Variants in LINGO3 observed in about 807,000 individuals in gnomAD.
LINGO3 encodes the protein leucine-rich repeat and immunoglobulin-like domain-containing nogo receptor-interacting protein 3.
For synonymous variants in LINGO3, 427 were observed against 444.2 expected (o/e 0.96, Z 0.49); for missense variants, 750 against 867.7 (o/e 0.86, Z 1.70).
At chr19:2,302,155 G>A in the LINGO3 span, among the ~76,000 whole-genome samples, 2 of 148,340 alleles carry the variant, frequency 1.3e-5, no homozygotes, top group Non-Finnish European at 3.0e-5. Flanking sequence ...TCTGCCTCCC[G>A]GGTTAAAGCG....
chr19:2,293,138 C>G (rs537709387), upstream of LINGO3, among the ~76,000 whole-genome samples: 2 of 152,110 alleles, frequency 1.3e-5, no homozygotes, highest in Non-Finnish European at 2.9e-5. Context: ...AATCTCACCT[C>G]ACTGCAAGCT....
At chr19:2,295,269 C>T (rs897237000), upstream of LINGO3, among the ~76,000 whole-genome samples, 1 of 152,100 alleles carries the variant, frequency 6.6e-6, no homozygotes, top group Non-Finnish European at 1.5e-5. Flanking sequence ...CAGGCAACGG[C>T]CAAGTCACAA....
At chr19:2,299,703 C>T in the LINGO3 span, among the ~76,000 whole-genome samples, 2 of 136,412 alleles carry the variant, frequency 1.5e-5, no homozygotes, top group African/African-American at 5.5e-5. Context: ...GGATTACAGG[C>T]GTGAGCCACT....
upstream of LINGO3, among the ~76,000 whole-genome samples, chr19:2,294,888 C>T (rs944401595): frequency 3.9e-5 from 6 of 152,082 alleles, no homozygotes; most frequent in Non-Finnish European, 5.9e-5. The surrounding 1 kb of genome is among the most constrained non-coding windows in gnomAD (Gnocchi z 4.3). Flanking sequence ...TCTGCTTGGC[C>T]GCCTCCCCCG....
At chr19:2,298,774 C>T in the LINGO3 span, among the ~76,000 whole-genome samples, 2 of 151,846 alleles carry the variant, frequency 1.3e-5, no homozygotes, top group Admixed American at 1.3e-4. Flanking sequence ...CTCCTGACCT[C>T]GTGATCCGCC....
upstream of LINGO3, among the ~76,000 whole-genome samples, chr19:2,294,707 T>C (rs1343872588): frequency 6.6e-6 from 1 of 151,810 alleles, no homozygotes; most frequent in Non-Finnish European, 1.5e-5. The surrounding 1 kb of genome is among the most constrained non-coding windows in gnomAD (Gnocchi z 4.3). Flanking sequence ...CCGTGGGTCC[T>C]GGTAGCTGTG....
chr19:2,290,885 C>A lies in LINGO3; in HGVS notation c.892G>T (p.Glu298Ter), dbSNP rs1421455233. ...AGCAGGGCCCCGGCCAGGTGCAGCT[C>A]GCGCAGGCGGACCAGGTCCCGGAAC... is the stretch of plus-strand genomic sequence containing the variant. The change falls in exon 1 of 1, where the codon GAG becomes TAG. Residue 298 changes from glutamate to a stop codon, truncating the protein, a stop_gained. Transcript: ENST00000585527. LOFTEE classifies it low-confidence loss of function (END_TRUNC). This position sits in a 1 kb window ranked among gnomAD's most constrained non-coding sequence, Gnocchi z 6.0. 6.2e-7 allele frequency: 1 copy of A among 1,611,046 alleles called. No individual in the cohort carries two copies. Among genetic ancestry groups the A allele is most frequent in the Non-Finnish European group, 8.5e-7 (1 of 1,179,028 alleles).
the LINGO3 span, among the ~76,000 whole-genome samples, chr19:2,305,658 A>T: frequency 6.6e-6 from 1 of 152,292 alleles, no homozygotes; most frequent in South Asian, 2.1e-4. Context: ...AGGCCGGCCA[A>T]ACCCAGAGGG....
Position 2,289,995 on chromosome 19 carries a change from C to A in LINGO3, c.*3G>T, listed in dbSNP as rs60145876. 4,265 of 1,521,690 alleles carry A rather than the reference C, an allele frequency of 2.8e-3. 84 individuals carry two copies. In the African/African-American group the frequency reaches 0.05, roughly 18 times the overall value. The allele number at this position is 1,521,690 out of a possible 1,614,324, so 94.3% of individuals were successfully genotyped here. ...GGAGGGGAGGGTCCGCCCTGGGGAC[C>A]CCTCAGATCATCTTCATGTTGAACT... On this transcript the variant is annotated 3_prime_UTR_variant, in exon 1 of 1. Coordinates refer to ENST00000585527, the Ensembl canonical transcript of LINGO3.
chr19:2,307,172 G>A, the LINGO3 span, among the ~76,000 whole-genome samples: 1 of 152,114 alleles, frequency 6.6e-6, no homozygotes, highest in Admixed American at 6.5e-5. Context: ...CACCCCCGCC[G>A]GAGCAAGGGT....
Position 2,290,462 on chromosome 19 carries a change from C to T in LINGO3, c.1315G>A (p.Val439Met), listed in dbSNP as rs2025507283. ...CGGTGCTGGGGGGTCACCCAGGCCA[C>T]GGTGGGCGCCGGCTCGCCCTCGGCG... The change falls in exon 1 of 1, where the codon GTG becomes ATG. Residue 439 changes from valine to methionine, a missense_variant. By Grantham distance (21) the Val-to-Met change is conservative (BLOSUM62 1). Transcript: ENST00000585527. The surrounding 1 kb of genome is among the most constrained non-coding windows in gnomAD (Gnocchi z 6.0). 1.4e-6 allele frequency: 2 copies of T among 1,454,224 alleles called. No individual in the cohort carries two copies. Among genetic ancestry groups the T allele is most frequent in the Non-Finnish European group, 1.8e-6 (2 of 1,110,082 alleles). The allele number at this position is 1,454,224 out of a possible 1,614,324, so 90.1% of individuals were successfully genotyped here.
chr19:2,308,142 AGCCGCCGCCGCCGCCGCC>A, the LINGO3 span, among the ~76,000 whole-genome samples: 312 of 139,672 alleles, frequency 2.2e-3, no homozygotes, highest in Non-Finnish European at 3.5e-3. Context: ...CGACACGAGC[AGCCGCCGCCGCCGCCGCC>A]GCCGCCGCCG....
chr19:2,304,656 C>T, the LINGO3 span, among the ~76,000 whole-genome samples: 2 of 149,654 alleles, frequency 1.3e-5, no homozygotes, highest in African/African-American at 4.9e-5. Flanking sequence ...AAGATGGGAA[C>T]CGGATTTTCA....
the LINGO3 span, among the ~76,000 whole-genome samples, chr19:2,299,869 GC>G: frequency 1.3e-5 from 2 of 149,948 alleles, no homozygotes; most frequent in Non-Finnish European, 3.0e-5. Context: ...GACTACAGGC[GC>G]CCGCCACCAC....
the LINGO3 span, among the ~76,000 whole-genome samples, chr19:2,304,121 TCATTCATTCAACAAA>T: frequency 2.0e-5 from 3 of 152,232 alleles, no homozygotes; most frequent in Admixed American, 6.5e-5. Context: ...TTCACCTCAT[TCATTCATTCAACAAA>T]CATTCATTCA....
At chr19:2,294,402 G>A (rs977771685), upstream of LINGO3, among the ~76,000 whole-genome samples, 3 of 152,162 alleles carry the variant, frequency 2.0e-5, no homozygotes, top group Admixed American at 6.5e-5. This position sits in a 1 kb window ranked among gnomAD's most constrained non-coding sequence, Gnocchi z 4.3. Flanking sequence ...TTGGACTTCC[G>A]CCTCCGGAGC....
chr19:2,291,615 G>C (rs2025524033), exon 1 of LINGO3: 1 of 1,487,352 alleles, frequency 6.7e-7, no homozygotes, highest in Non-Finnish European at 8.8e-7. Flanking sequence ...GGCGGGTCTC[G>C]GCCGGGATGC....
chr19:2,289,805 A>C (rs568358209), exon 1 of LINGO3: 1 of 541,970 alleles, frequency 1.8e-6, no homozygotes, highest in East Asian at 3.3e-5. Context: ...TCTTTAGAAA[A>C]CGCTTGAGAA....
chr19:2,305,230 G>A, the LINGO3 span, among the ~76,000 whole-genome samples: 1 of 152,158 alleles, frequency 6.6e-6, no homozygotes, highest in Non-Finnish European at 1.5e-5. Flanking sequence ...CTTGGGGTCT[G>A]AGATCTGCAC....
Sources: gnomAD v4.1 joint callset for allele counts (sites outside exome capture counted in the v4.1 genomes callset) on GRCh38, gnomAD v4.1.1 for gene constraint, Gnocchi (gnomAD v3.1) non-coding constraint, MANE v1.5 for transcripts, NCBI Gene and HGNC (gene_info 2026-07-23, HGNC 2026-07-21) for gene names.